BNC2: variants seen among roughly 807,000 people sequenced by gnomAD.
The protein encoded by BNC2 is zinc finger protein basonuclin-2.
In BNC2, 20 loss-of-function variants were observed where a neutral mutation model predicts 76.3. The observed-to-expected ratio is 0.26, with a 90% CI of 0.18 to 0.38. The LOEUF is 0.38. BNC2 is among the 10% of genes least tolerant of loss of function. BNC2 has a pLI of 1.00. For missense variants in BNC2, 1,382 were observed against 1,399.8 expected, an observed-to-expected ratio of 0.99 and a Z score of 0.20; for synonymous variants, 582 against 514.8, an observed-to-expected ratio of 1.13 and a Z score of -1.77.
intron 5 of BNC2, among the ~76,000 whole-genome samples, chr9:16,455,514 G>A (rs1467445021): frequency 6.6e-6 from 1 of 152,136 alleles, no homozygotes; most frequent in African/African-American, 2.4e-5. Flanking sequence ...ATATTGGCCG[G>A]GCGTGATGGT....
chr9:16,803,905 G>A (rs575596413), intron 1 of BNC2, among the ~76,000 whole-genome samples: 4 of 152,282 alleles, frequency 2.6e-5, no homozygotes, highest in Admixed American at 2.6e-4. Flanking sequence ...TCTCTCAATC[G>A]TCAAGGGAAG....
At chr9:16,666,329 G>A (rs187440701) in intron 3 of BNC2, among the ~76,000 whole-genome samples, 55 of 152,180 alleles carry the variant, frequency 3.6e-4, no homozygotes, top group African/African-American at 1.2e-3. Context: ...CTTGATCTCT[G>A]CTATGTCCGC....
intron 3 of BNC2, among the ~76,000 whole-genome samples, chr9:16,668,946 G>C (rs971748263): frequency 6.6e-6 from 1 of 152,176 alleles, no homozygotes; most frequent in Non-Finnish European, 1.5e-5. Flanking sequence ...CAATCTGTAT[G>C]TGAGTAAGTT....
chr9:16,837,955 T>C (rs1207807029), intron 1 of BNC2, among the ~76,000 whole-genome samples: 1 of 152,022 alleles, frequency 6.6e-6, no homozygotes, highest in Non-Finnish European at 1.5e-5. Flanking sequence ...GTTTCTACTC[T>C]TTCACTTTTG....
In BNC2 at chr9:16,582,989, C is replaced by T. The variant is rs777603869; in HGVS notation, c.427G>A (p.Ala143Thr). ...AAGCCCAGATTTTCCTCACCATGTG[C>T]CACCCAGCCATGTTTACACTGATCA... is the stretch of plus-strand genomic sequence containing the variant. ...TCDQCKHGWV[A>T]HALDKLSTQH... Residue 143 changes from alanine (A) to threonine (T), a missense_variant, in exon 4 of 7, where the codon GCA (alanine) becomes ACA (threonine). This residue lies in a region of BNC2 where 557 missense variants were observed against 540.9 expected (regional missense o/e 1.03). Transcript: ENST00000380672. 6.2e-7 allele frequency: 1 copy of T among 1,612,288 alleles called. No individual in the cohort carries two copies. Among genetic ancestry groups the T allele is most frequent in the Non-Finnish European group, 8.5e-7 (1 of 1,179,010 alleles).
chr9:16,850,768 G>A (rs778680880), intron 1 of BNC2, among the ~76,000 whole-genome samples: 3 of 151,770 alleles, frequency 2.0e-5, no homozygotes, highest in Non-Finnish European at 4.4e-5. Context: ...ACTGCACTCC[G>A]GTCAGGGTGA....
At chr9:16,477,359 C>T (rs10122934) in intron 5 of BNC2, among the ~76,000 whole-genome samples, 19,354 of 151,472 alleles carry the variant, frequency 0.13, 1,888 homozygotes, top group African/African-American at 0.27. Context: ...TCCTTGATAA[C>T]AATGTGACAA....
At chr9:16,508,760 T>C (rs564715609) in intron 5 of BNC2, among the ~76,000 whole-genome samples, 21 of 152,166 alleles carry the variant, frequency 1.4e-4, no homozygotes, top group Non-Finnish European at 2.6e-4. Flanking sequence ...ATATTCTGCC[T>C]TCTGCCCACA....
At chr9:16,520,322 G>C (rs1817578864) in intron 5 of BNC2, among the ~76,000 whole-genome samples, 1 of 152,186 alleles carries the variant, frequency 6.6e-6, no homozygotes. Context: ...GAGTGATTTT[G>C]AGGGAAAGGG....
In BNC2 at chr9:16,498,078, C is replaced by CAT. The variant is rs1224386230; in HGVS notation, c.669+54450_669+54451dup. Among the ~76,000 whole-genome samples the CAT allele has an allele frequency of 3.6e-5, 5 of 139,188 alleles. No individual in the cohort carries two copies. In the East Asian group the frequency reaches 1.0e-3, roughly 29 times the overall value. The allele number at this position is 139,188 out of a possible 152,430, so 91.3% of individuals were successfully genotyped here. A position where few individuals can be genotyped will look rare whatever the true frequency, so the allele number is the denominator to read the frequency against. On this transcript the variant is annotated intron_variant, in intron 5 of 6. Transcript: ENST00000380672. The stretch of plus-strand genomic sequence containing the variant: ...ATTCCATCATATATATATATTCTAT[C>CAT]ATATATATATTCCATCATATATATA...
At chr9:16,453,389 C>G (rs981180134) in intron 5 of BNC2, among the ~76,000 whole-genome samples, 2 of 152,164 alleles carry the variant, frequency 1.3e-5, no homozygotes, top group African/African-American at 2.4e-5. Context: ...CCATCCAAAC[C>G]CCATCAATGT....
chr9:16,502,169 C>G (rs1304484435), intron 5 of BNC2, among the ~76,000 whole-genome samples: 1 of 151,910 alleles, frequency 6.6e-6, no homozygotes, highest in Non-Finnish European at 1.5e-5. Context: ...TTGAGACTAG[C>G]CTGGGCAACA....
chr9:16,576,267 A>C (rs751890719), intron 4 of BNC2, among the ~76,000 whole-genome samples: 25 of 152,244 alleles, frequency 1.6e-4, no homozygotes, highest in Admixed American at 1.2e-3. Context: ...GTTGTTTTTT[A>C]GTCTCCTCTC....
Position 16,678,267 on chromosome 9 carries a change from C to CTTT in BNC2, c.330+49527_330+49529dup, listed in dbSNP as rs140809930. ...ACTTGTAACTGTTTTCTTTCTTTTT[C>CTTT]TTTTTTTTTTTTTTTTTTTTTTTTT... On this transcript the variant is annotated intron_variant, in intron 3 of 6. Coordinates refer to ENST00000380672, the MANE Select transcript of BNC2 (RefSeq NM_017637.6). 3.4e-3 allele frequency among the ~76,000 whole-genome samples: 277 copies of CTTT among 80,668 alleles called. 11 individuals carry two copies. The highest frequency in any genetic ancestry group is 6.7e-3 in the African/African-American group (118 of 17,674). The allele number at this position is 80,668 out of a possible 152,430, so 52.9% of individuals were successfully genotyped here.
chr9:16,801,136 TTC>T (rs748007997), intron 1 of BNC2, among the ~76,000 whole-genome samples: 16 of 152,346 alleles, frequency 1.1e-4, no homozygotes, highest in Non-Finnish European at 1.6e-4. Context: ...TTCTCCGTAT[TTC>T]TGATTTCTTC....
chr9:16,482,470 C>A (rs1169966388), intron 5 of BNC2, among the ~76,000 whole-genome samples: 3 of 152,016 alleles, frequency 2.0e-5, no homozygotes, highest in Non-Finnish European at 4.4e-5. Context: ...AAAAAAAACC[C>A]TCTTCTTATA....
intron 3 of BNC2, among the ~76,000 whole-genome samples, chr9:16,701,569 T>G (rs1823513932): frequency 6.6e-6 from 1 of 152,232 alleles, no homozygotes; most frequent in African/African-American, 2.4e-5. Context: ...ATATTTATTT[T>G]AGATCTTAAG....
chr9:16,867,646 A>G (rs1819574545), intron 1 of BNC2: 2 of 152,200 alleles, frequency 1.3e-5, no homozygotes, highest in Non-Finnish European at 1.5e-5. Flanking sequence ...CTCCCTTAAT[A>G]TAAGAAATAT....
chr9:16,412,717 A>AGG lies in BNC2; in HGVS notation c.*6270_*6271dup, dbSNP rs1367126724. 16 of 108,082 alleles carry AGG rather than the reference A, an allele frequency of 1.5e-4. No homozygotes were observed. Among genetic ancestry groups the AGG allele is most frequent in the Non-Finnish European group, 3.1e-4 (15 of 48,720 alleles). The allele number at this position is 108,082 out of a possible 1,614,324, so 6.7% of individuals were successfully genotyped here. A position where few individuals can be genotyped will look rare whatever the true frequency, so the allele number is the denominator to read the frequency against. On this transcript the variant is annotated 3_prime_UTR_variant, in exon 7 of 7. Transcript: ENST00000380672. ...GAGAATAAGAGGGAAGGAGAGAGAG[A>AGG]GGGGAGAGAGAGAGAGAGAGAGAGA...
Sources: gnomAD v4.1 joint callset for allele counts (sites outside exome capture counted in the v4.1 genomes callset) on GRCh38, gnomAD v4.1.1 for gene constraint, gnomAD v4.1.1 regional missense constraint, MANE v1.5 for transcripts, NCBI Gene and HGNC (gene_info 2026-07-23, HGNC 2026-07-21) for gene names.